ADARB2: variants seen among roughly 807,000 people sequenced by gnomAD.
ADARB2 encodes inactive double-stranded RNA-specific editase B2.
In ADARB2, 25 loss-of-function variants were observed where a neutral mutation model predicts 62.2. The ratio of observed to expected loss-of-function variants is 0.40; its 90% CI spans 0.29 to 0.56. ADARB2 has a LOEUF of 0.56. ADARB2 is among the 20% of genes least tolerant of loss of function. The probability of loss-of-function intolerance (pLI) is 0.43; values close to 1 mark genes in which losing one functional copy is unlikely to be tolerated. For synonymous variants in ADARB2, 572 were observed against 500.8 expected, an observed-to-expected ratio of 1.14 and a Z score of -1.90; for missense variants, 1,071 against 1,077.4, an observed-to-expected ratio of 0.99 and a Z score of 0.08.
At chr10:1,409,277 C>T (rs529206327) in intron 1 of ADARB2, among the ~76,000 whole-genome samples, 5 of 134,738 alleles carry the variant, frequency 3.7e-5, no homozygotes, top group African/African-American at 7.7e-5. Flanking sequence ...CCCTGCCTGA[C>T]GGCGGGCTCC....
At chr10:1,307,923 A>C (rs1371541653) in intron 3 of ADARB2, among the ~76,000 whole-genome samples, 2 of 111,450 alleles carry the variant, frequency 1.8e-5, no homozygotes, top group Non-Finnish European at 3.5e-5. Flanking sequence ...CACTCTGGGG[A>C]CTGTCGTGGG....
At position 1,734,134 on chromosome 10, in the gene ADARB2, C is replaced by G. The variant is rs77856570; in HGVS notation, c.100+2917G>C. ...AGAAAGTCCCTGCTGAAAAATAACA[C>G]AGAAAACACAAAATTGTACAACACT... On this transcript the variant is annotated intron_variant, in intron 1 of 9. Transcript: ENST00000381312. 8.1e-3 allele frequency among the ~76,000 whole-genome samples: 1,225 copies of G among 151,726 alleles called. 56 individuals carry two copies. The East Asian group carries it at 0.13, about 16-fold the overall frequency.
intron 3 of ADARB2, among the ~76,000 whole-genome samples, chr10:1,358,741 C>T (rs966054557): frequency 2.6e-5 from 4 of 151,774 alleles, no homozygotes; most frequent in South Asian, 4.2e-4. Flanking sequence ...TGGGAGAGTG[C>T]GGGGTGAGGG....
intron 3 of ADARB2, among the ~76,000 whole-genome samples, chr10:1,280,622 G>A (rs1394700495): frequency 1.3e-5 from 2 of 150,160 alleles, no homozygotes; most frequent in African/African-American, 4.9e-5. Context: ...TGAAATTCCT[G>A]AGTGATGCTC....
chr10:1,516,638 T>G (rs1832012847), intron 1 of ADARB2, among the ~76,000 whole-genome samples: 1 of 152,178 alleles, frequency 6.6e-6, no homozygotes, highest in Non-Finnish European at 1.5e-5. Flanking sequence ...GTTTTATGCC[T>G]TAATAAGGGC....
intron 1 of ADARB2, among the ~76,000 whole-genome samples, chr10:1,639,482 G>A (rs188864825): frequency 1.3e-5 from 2 of 152,338 alleles, no homozygotes; most frequent in East Asian, 1.9e-4. Context: ...TTCACGAGCA[G>A]CCTGATGATC....
intron 1 of ADARB2, among the ~76,000 whole-genome samples, chr10:1,449,483 T>C (rs375839654): frequency 1.3e-5 from 2 of 152,222 alleles, no homozygotes; most frequent in East Asian, 3.8e-4. Context: ...AGGTGTCTCC[T>C]GTGACTTCTG....
intron 7 of ADARB2, among the ~76,000 whole-genome samples, chr10:1,210,155 T>G (rs576204539): frequency 5.0e-4 from 76 of 152,342 alleles, no homozygotes; most frequent in African/African-American, 1.7e-3. Flanking sequence ...GATCTTTTGA[T>G]ACAAAAGATC....
chr10:1,295,499 G>A (rs59138265), intron 3 of ADARB2, among the ~76,000 whole-genome samples: 2,789 of 152,234 alleles, frequency 0.018, 81 homozygotes, highest in African/African-American at 0.063. Context: ...ATGCAATTTA[G>A]GAGAAAGAGT....
chr10:1,393,497 A>G (rs1259654337), intron 1 of ADARB2, among the ~76,000 whole-genome samples: 1 of 152,144 alleles, frequency 6.6e-6, no homozygotes, highest in Non-Finnish European at 1.5e-5. Context: ...ATTAGCCATC[A>G]CCACCTTCCC....
chr10:1,510,137 T>TTTCTTTCTTTCTTTCTTTCTTTCC (rs1831914223), intron 1 of ADARB2, among the ~76,000 whole-genome samples: 1 of 143,392 alleles, frequency 7.0e-6, no homozygotes. Context: ...TCTTTCTTTC[T>TTTCTTTCTTTCTTTCTTTCTTTCC]TTCTTTCTTT....
rs1835111984 is a variant in ADARB2, at chr10:1,722,938, TACACACACACATAC to T, written c.100+14099_100+14112del. 2.0e-5 allele frequency among the ~76,000 whole-genome samples: 3 copies of T among 152,312 alleles called. No individual in the cohort carries two copies. The South Asian group carries it at 6.2e-4, about 32-fold the overall frequency. ...ATTTACCCATATTCATATACATGTGTACACACACACATACACGCACACACAGGTGTGCACATACA... is the reference window on the plus strand; with the variant it reads ...ATTTACCCATATTCATATACATGTGTACGCACACACAGGTGTGCACATACA... On this transcript the variant is annotated intron_variant, in intron 1 of 9. Coordinates refer to ENST00000381312, the MANE Select transcript of ADARB2 (RefSeq NM_018702.4).
At chr10:1,659,591 C>T (rs1039215747) in intron 1 of ADARB2, among the ~76,000 whole-genome samples, 2 of 152,244 alleles carry the variant, frequency 1.3e-5, no homozygotes, top group Admixed American at 1.3e-4. Context: ...GGCTGGAATA[C>T]AACGCCTTTG....
chr10:1,521,432 A>G (rs1488203547), intron 1 of ADARB2, among the ~76,000 whole-genome samples: 1 of 152,198 alleles, frequency 6.6e-6, no homozygotes, highest in African/African-American at 2.4e-5. Flanking sequence ...AAGGCCCCCT[A>G]AGCTTCTGAA....
intron 7 of ADARB2, 130 bp downstream of exon 7, chr10:1,216,821 C>A (rs1327747902): frequency 3.2e-6 from 4 of 1,231,908 alleles, no homozygotes; most frequent in East Asian, 5.2e-5. Context: ...TTCCACGGCT[C>A]AGGCACAGGG....
At chr10:1,439,744 G>T (rs1390799112) in intron 1 of ADARB2, among the ~76,000 whole-genome samples, 3 of 140,332 alleles carry the variant, frequency 2.1e-5, no homozygotes, top group African/African-American at 8.2e-5. Context: ...ATGGAGGCAG[G>T]TCCTTCATCA....
intron 4 of ADARB2, among the ~76,000 whole-genome samples, chr10:1,269,943 C>T (rs1831243848): frequency 2.6e-5 from 4 of 152,182 alleles, no homozygotes; most frequent in African/African-American, 9.7e-5. Flanking sequence ...CAGGGTGGGG[C>T]TGGTATATTT....
chr10:1,715,424 A>G (rs183036897), intron 1 of ADARB2, among the ~76,000 whole-genome samples: 16 of 152,344 alleles, frequency 1.1e-4, no homozygotes, highest in Admixed American at 5.9e-4. Flanking sequence ...TTTACTGTAC[A>G]AATAGATTTT....
At chr10:1,732,569 C>T (rs1187489923) in intron 1 of ADARB2, among the ~76,000 whole-genome samples, 2 of 152,232 alleles carry the variant, frequency 1.3e-5, no homozygotes, top group Non-Finnish European at 1.5e-5. Flanking sequence ...AAAAGCACCA[C>T]ACAATTAGGT....
Sources: gnomAD v4.1 joint callset for allele counts (sites outside exome capture counted in the v4.1 genomes callset) on GRCh38, gnomAD v4.1.1 for gene constraint, MANE v1.5 for transcripts, NCBI Gene and HGNC (gene_info 2026-07-23, HGNC 2026-07-21) for gene names.